The following TENM3 variants were observed in gnomAD, a reference collection of about 807,000 sequenced individuals.
TENM3 encodes teneurin-3.
In TENM3, 63 loss-of-function variants were observed where a neutral mutation model predicts 255.1. That is an observed-to-expected ratio of 0.25 (90% CI 0.20 to 0.30). The LOEUF (loss-of-function observed/expected upper bound fraction) is 0.30, where lower values mean the gene tolerates loss of function less well. Ranked by LOEUF, TENM3 falls within the 10% of genes least tolerant of loss-of-function variation. The pLI, the probability that TENM3 is intolerant of heterozygous loss-of-function variation, is 1.00. For missense variants in TENM3, 2,929 were observed against 3,461.1 expected (o/e 0.85, Z 3.86); for synonymous variants, 1,306 against 1,322.3 (o/e 0.99, Z 0.27).
chr4:182,330,102 A>T (rs1221615765), intron 2 of TENM3, among the ~76,000 whole-genome samples: 1 of 152,192 alleles, frequency 6.6e-6, no homozygotes, highest in East Asian at 1.9e-4. Flanking sequence ...TTATTTGCAG[A>T]GAAGATACTG....
chr4:182,475,806 CAGA>C (rs1340418821), intron 3 of TENM3, among the ~76,000 whole-genome samples: 23 of 152,236 alleles, frequency 1.5e-4, no homozygotes, highest in Admixed American at 3.3e-4. Flanking sequence ...AACAATCACT[CAGA>C]TGTGTCCATC....
chr4:181,863,826 C>T, the TENM3 span, among the ~76,000 whole-genome samples: 2 of 152,046 alleles, frequency 1.3e-5, no homozygotes, highest in Non-Finnish European at 2.9e-5. Flanking sequence ...CCCATAGTAA[C>T]AAAATACTTT....
intron 12 of TENM3, among the ~76,000 whole-genome samples, chr4:182,712,003 A>G (rs894588708): frequency 2.0e-5 from 3 of 152,164 alleles, no homozygotes; most frequent in African/African-American, 4.8e-5. Context: ...GAAATTGTCA[A>G]TCTAAAGAAG....
intron 1 of TENM3, among the ~76,000 whole-genome samples, chr4:182,317,549 G>A (rs958136496): frequency 4.6e-5 from 7 of 152,082 alleles, no homozygotes; most frequent in South Asian, 2.1e-4. Context: ...CTCAAGCAAT[G>A]TTCCTGCTTT....
At chr4:182,704,884 A>G (rs1255678370) in intron 12 of TENM3, among the ~76,000 whole-genome samples, 2 of 149,956 alleles carry the variant, frequency 1.3e-5, no homozygotes, top group African/African-American at 4.9e-5. Context: ...ATGCAAATTA[A>G]TTGACTTTCC....
chr4:181,632,163 G>A, the TENM3 span, among the ~76,000 whole-genome samples: 1 of 152,144 alleles, frequency 6.6e-6, no homozygotes, highest in Non-Finnish European at 1.5e-5. Context: ...GGAGGCCTCA[G>A]GAAATCATAG....
chr4:181,732,602 C>A, the TENM3 span, among the ~76,000 whole-genome samples: 1 of 152,124 alleles, frequency 6.6e-6, no homozygotes, highest in African/African-American at 2.4e-5. Flanking sequence ...GTAAAAAGAA[C>A]TTTCCATTTC....
At chr4:182,788,651 A>C (rs1447223220) in intron 24 of TENM3, among the ~76,000 whole-genome samples, 1 of 152,218 alleles carries the variant, frequency 6.6e-6, no homozygotes, top group Non-Finnish European at 1.5e-5. Context: ...TCCAACTTCT[A>C]CTTAACTGCT....
At chr4:182,369,670 C>T (rs544003229) in intron 3 of TENM3, among the ~76,000 whole-genome samples, 14 of 152,202 alleles carry the variant, frequency 9.2e-5, no homozygotes, top group Non-Finnish European at 2.1e-4. Flanking sequence ...CACCTGAGGT[C>T]AGGAGCTCGA....
At chr4:182,101,607 G>A in the TENM3 span, among the ~76,000 whole-genome samples, 1 of 152,120 alleles carries the variant, frequency 6.6e-6, no homozygotes, top group Non-Finnish European at 1.5e-5. Context: ...GGTTACCAGA[G>A]GCAGGGGGGA....
chr4:181,543,165 C>G, the TENM3 span, among the ~76,000 whole-genome samples: 1 of 152,084 alleles, frequency 6.6e-6, no homozygotes, highest in African/African-American at 2.4e-5. Context: ...AAATGTATTC[C>G]CACTCTCTCT....
intron 1 of TENM3, among the ~76,000 whole-genome samples, chr4:182,276,327 C>T (rs1229866782): frequency 4.6e-5 from 7 of 152,214 alleles, no homozygotes; most frequent in Non-Finnish European, 1.0e-4. Flanking sequence ...TCAACTTAAA[C>T]GGTTATCAGG....
At chr4:181,669,876 G>T in the TENM3 span, among the ~76,000 whole-genome samples, 153 of 152,290 alleles carry the variant, frequency 1.0e-3, no homozygotes, top group African/African-American at 3.5e-3. Context: ...GTATCAGCCT[G>T]CTGAAACATT....
chr4:182,198,051 G>A (rs1016197034), intron 1 of TENM3, among the ~76,000 whole-genome samples: 3 of 152,092 alleles, frequency 2.0e-5, no homozygotes, highest in African/African-American at 7.2e-5. Flanking sequence ...CTTGCAGTGA[G>A]CCAAGATCAC....
the TENM3 span, among the ~76,000 whole-genome samples, chr4:182,101,114 A>AGAAGGAAGGAAGGAAGGAAGGGAGGGAG: frequency 4.1e-4 from 2 of 4,886 alleles, no homozygotes; most frequent in East Asian, 2.6e-3. Flanking sequence ...GAGGAAGGAA[A>AGAAGGAAGGAAGGAAGGAAGGGAGGGAG]GAAGGAAGGA....
At chr4:182,287,348 C>T (rs1397285022) in intron 1 of TENM3, among the ~76,000 whole-genome samples, 1 of 152,248 alleles carries the variant, frequency 6.6e-6, no homozygotes, top group Non-Finnish European at 1.5e-5. Flanking sequence ...GCCTCACAGG[C>T]TTTTTGTTGG....
In TENM3 at chr4:182,738,495, C is replaced by T. The variant is rs765880642; in HGVS notation, c.3330C>T (p.Asn1110=). The T allele has an allele frequency of 5.6e-6, 9 of 1,613,104 alleles. No individual in the cohort carries two copies. The African/African-American group carries it at 9.3e-5, about 17-fold the overall frequency. Residue 1110 remains asparagine, a synonymous_variant, in exon 18 of 28, where the codon AAC becomes AAT. Transcript: ENST00000511685. Reference sequence around the variant, plus strand: ...AGGGCTATGAATTGGATGCGTCCAACATGGGTGGCTGGACATTAGATAAAC... The same window carrying T: ...AGGGCTATGAATTGGATGCGTCCAATATGGGTGGCTGGACATTAGATAAAC... ...ILQGYELDAS[N]MGGWTLDKHH...
intron 3 of TENM3, among the ~76,000 whole-genome samples, chr4:182,363,371 A>G (rs896697447): frequency 5.3e-5 from 8 of 151,894 alleles, no homozygotes; most frequent in Admixed American, 4.6e-4. Flanking sequence ...ATATTGATAT[A>G]TGTGTGTATA....
the TENM3 span, among the ~76,000 whole-genome samples, chr4:181,518,685 C>T: frequency 6.6e-6 from 1 of 152,182 alleles, no homozygotes; most frequent in Admixed American, 6.5e-5. Context: ...CCTCAGCCTC[C>T]TAAAGTGTTG....
Sources: allele counts gnomAD v4.1 joint callset (sites outside exome capture counted in the v4.1 genomes callset), GRCh38; gene constraint gnomAD v4.1.1; transcripts MANE v1.5; gene names NCBI Gene and HGNC (gene_info 2026-07-23, HGNC 2026-07-21).